Variants in CLEC16A observed in about 807,000 individuals in gnomAD.
CLEC16A encodes C-type lectin domain containing 16A, also known as protein CLEC16A.
In CLEC16A, 51 loss-of-function variants were observed where a neutral mutation model predicts 109.5. That is an observed-to-expected ratio of 0.47 (90% CI 0.37 to 0.59). The LOEUF is 0.59. Among genes scored for constraint, CLEC16A ranks in the 20% least tolerant of loss-of-function variants. CLEC16A has a pLI of 0.00. For synonymous variants in CLEC16A, 673 were observed against 564.2 expected (o/e 1.19, Z -2.73); for missense variants, 1,339 against 1,394.0 (o/e 0.96, Z 0.63).
chr16:11,106,849 A>G (rs563090408), intron 19 of CLEC16A, among the ~76,000 whole-genome samples: 2 of 152,318 alleles, frequency 1.3e-5, no homozygotes, highest in African/African-American at 4.8e-5. Context: ...TCACATGCCC[A>G]GGGTCACCAC....
chr16:11,076,119 C>T (rs1176639240), intron 19 of CLEC16A, among the ~76,000 whole-genome samples: 1 of 152,176 alleles, frequency 6.6e-6, no homozygotes, highest in Non-Finnish European at 1.5e-5. Context: ...TCCTCCTCTG[C>T]CCTTTCCACA....
chr16:11,020,038 C>G (rs1006054400), intron 11 of CLEC16A, among the ~76,000 whole-genome samples, 155 bp from the exon 12 acceptor site: 1 of 152,202 alleles, frequency 6.6e-6, no homozygotes, highest in Admixed American at 6.5e-5. Context: ...TATTTCCACC[C>G]CAGTGTGTCT....
intron 19 of CLEC16A, among the ~76,000 whole-genome samples, chr16:11,093,421 G>T (rs1023650689): frequency 2.0e-5 from 3 of 152,174 alleles, no homozygotes; most frequent in Non-Finnish European, 4.4e-5. Flanking sequence ...ACTTCCTGTG[G>T]CACTCAGGCA....
rs79470686 is a variant in CLEC16A, at chr16:11,042,691, A to G, written c.1770+328A>G. Among the ~76,000 whole-genome samples, 1,388 of 152,304 alleles carry G rather than the reference A, an allele frequency of 9.1e-3. 19 individuals carry two copies. The highest frequency in any genetic ancestry group is 0.032 in the African/African-American group (1,338 of 41,578). On this transcript the variant is annotated intron_variant, in intron 15 of 23. Coordinates refer to ENST00000409790, the MANE Select transcript of CLEC16A (RefSeq NM_015226.3). ...TTTGCACATACAAACACATCAACAC[A>G]CATACACACATTGATTATGGTTTTT...
intron 10 of CLEC16A, among the ~76,000 whole-genome samples, chr16:10,986,761 G>GTGTGTGTGTGTC (rs1204658264): frequency 1.3e-5 from 2 of 148,988 alleles, no homozygotes; most frequent in East Asian, 3.9e-4. Flanking sequence ...GTGTGTGTGT[G>GTGTGTGTGTGTC]TACCAAGAAA....
chr16:10,996,655 T>G (rs1264246143), intron 10 of CLEC16A, among the ~76,000 whole-genome samples: 1 of 152,158 alleles, frequency 6.6e-6, no homozygotes, highest in Non-Finnish European at 1.5e-5. Context: ...CCATCACTCT[T>G]GTGTGAACCT....
chr16:10,996,133 G>C (rs2044312645), intron 10 of CLEC16A, among the ~76,000 whole-genome samples: 1 of 152,074 alleles, frequency 6.6e-6, no homozygotes, highest in African/African-American at 2.4e-5. Context: ...TCCCCTCCCT[G>C]CTGCCCCACT....
intron 13 of CLEC16A, among the ~76,000 whole-genome samples, chr16:11,034,571 TC>T (rs2046918470): frequency 6.6e-6 from 1 of 152,112 alleles, no homozygotes; most frequent in Non-Finnish European, 1.5e-5. Flanking sequence ...AGTTGAGAGT[TC>T]CGCCCTCCAC....
intron 1 of CLEC16A, among the ~76,000 whole-genome samples, chr16:10,948,026 T>G (rs2041495255): frequency 1.3e-5 from 2 of 152,062 alleles, no homozygotes; most frequent in Non-Finnish European, 2.9e-5. Flanking sequence ...CCAGAGTAGC[T>G]GGGACTACAG....
Position 11,178,331 on chromosome 16 carries a change from C to T in CLEC16A, c.2807-4C>T, listed in dbSNP as rs202244271. ...GTGTTTCCGGTTTTTCTCCCCCAAT[C>T]CAGATGCCCCCATGAGTCCAGAACT... is the stretch of plus-strand genomic sequence containing the variant. On this transcript the variant is annotated splice_polypyrimidine_tract_variant and splice_region_variant and intron_variant, in intron 23 of 23. Transcript: ENST00000409790. This position sits in a 1 kb window ranked among gnomAD's most constrained non-coding sequence, Gnocchi z 6.5. The T allele has an allele frequency of 7.5e-6, 12 of 1,600,004 alleles. No individual in the cohort carries two copies. The African/African-American group carries it at 1.2e-4, about 16-fold the overall frequency.
intron 10 of CLEC16A, among the ~76,000 whole-genome samples, chr16:10,991,196 C>T (rs1008049256): frequency 2.0e-5 from 3 of 151,844 alleles, no homozygotes; most frequent in Admixed American, 1.3e-4. Context: ...GGGCAATGCT[C>T]GGAGGCTGGA....
intron 19 of CLEC16A, among the ~76,000 whole-genome samples, chr16:11,090,000 C>T (rs142090306): frequency 6.6e-6 from 1 of 152,350 alleles, no homozygotes; most frequent in East Asian, 1.9e-4. Flanking sequence ...CTCCACCATC[C>T]TTTACACTCA....
intron 9 of CLEC16A, among the ~76,000 whole-genome samples, 174 bp from the exon 10 acceptor site, chr16:10,982,704 A>AAG (rs1426817817): frequency 1.3e-5 from 2 of 152,194 alleles, no homozygotes; most frequent in African/African-American, 4.8e-5. Flanking sequence ...CTGACCTTAC[A>AAG]AGAGTGGAAC....
At chr16:11,091,034 A>G (rs1466682888) in intron 19 of CLEC16A, among the ~76,000 whole-genome samples, 2 of 152,038 alleles carry the variant, frequency 1.3e-5, no homozygotes, top group Non-Finnish European at 2.9e-5. Context: ...TTCTGGGCTC[A>G]AGCACCCCGC....
chr16:11,099,346 A>G lies in CLEC16A; in HGVS notation c.2117-21269A>G, dbSNP rs1186231461. 3.3e-5 allele frequency among the ~76,000 whole-genome samples: 5 copies of G among 152,362 alleles called. No homozygotes were observed. In the East Asian group the frequency reaches 5.8e-4, roughly 18 times the overall value. On this transcript the variant is annotated intron_variant, in intron 19 of 23. Transcript: ENST00000409790. Reference sequence around the variant, plus strand: ...GCCACTTGTGGCTGTCTAAATCTACATTAATGAAAATTAAGGTTAAATAAA... The same window carrying G: ...GCCACTTGTGGCTGTCTAAATCTACGTTAATGAAAATTAAGGTTAAATAAA...
intron 22 of CLEC16A, among the ~76,000 whole-genome samples, chr16:11,130,670 G>A (rs1413155773): frequency 1.3e-5 from 2 of 152,216 alleles, no homozygotes; most frequent in Admixed American, 1.3e-4. Context: ...AGGGCCCGTG[G>A]GTGCTGGGGC....
intron 19 of CLEC16A, among the ~76,000 whole-genome samples, chr16:11,069,990 C>T (rs375736477): frequency 5.2e-4 from 79 of 152,218 alleles, no homozygotes; most frequent in African/African-American, 1.8e-3. Context: ...GGAACCAGTC[C>T]CCATGGATAT....
At chr16:10,956,854 T>C (rs2042013893) in intron 1 of CLEC16A, among the ~76,000 whole-genome samples, 1 of 152,140 alleles carries the variant, frequency 6.6e-6, no homozygotes, top group Non-Finnish European at 1.5e-5. Context: ...TGGAGTGCAA[T>C]GGTGTGATCT....
chr16:11,131,139 G>A (rs2053180729), intron 22 of CLEC16A, among the ~76,000 whole-genome samples: 2 of 152,172 alleles, frequency 1.3e-5, no homozygotes, highest in Admixed American at 1.3e-4. Context: ...GCCAAGGAGG[G>A]GGGTCAGTGG....
Sources: gnomAD v4.1 joint callset for allele counts (sites outside exome capture counted in the v4.1 genomes callset) on GRCh38, gnomAD v4.1.1 for gene constraint, Gnocchi (gnomAD v3.1) non-coding constraint, MANE v1.5 for transcripts, NCBI Gene and HGNC (gene_info 2026-07-23, HGNC 2026-07-21) for gene names.